Variants in CCDC181 observed in about 807,000 individuals in gnomAD.
The protein encoded by CCDC181 is coiled-coil domain-containing protein 181.
A neutral mutation model predicts 58.7 loss-of-function variants in CCDC181; 35 were observed. The observed-to-expected ratio is 0.60, with a 90% CI of 0.46 to 0.79. CCDC181 has a LOEUF of 0.79. Ranked by LOEUF, CCDC181 falls within the 30% of genes least tolerant of loss-of-function variation. CCDC181 has a pLI of 0.00. For missense variants in CCDC181, 517 were observed against 583.9 expected (o/e 0.89, Z 1.18); for synonymous variants, 183 against 197.5 (o/e 0.93, Z 0.62).
chr1:169,453,070 G>T (rs1384137240), intron 2 of CCDC181, among the ~76,000 whole-genome samples: 3 of 149,670 alleles, frequency 2.0e-5, no homozygotes, highest in Admixed American at 6.7e-5. Context: ...ACTTGAGAAA[G>T]AATTGAAACG....
chr1:169,401,571 G>C (rs1441075726), intron 4 of CCDC181, among the ~76,000 whole-genome samples: 1 of 152,188 alleles, frequency 6.6e-6, no homozygotes, highest in Non-Finnish European at 1.5e-5. Context: ...AACTCCAATA[G>C]ACCCACAGGT....
At chr1:169,403,632 A>G (rs1003976353) in intron 4 of CCDC181, among the ~76,000 whole-genome samples, 1 of 152,260 alleles carries the variant, frequency 6.6e-6, no homozygotes, top group African/African-American at 2.4e-5. Flanking sequence ...GACACAACAT[A>G]CAAGAATCTC....
At chr1:169,422,452 A>T (rs555545752) in intron 2 of CCDC181, 139 bp from the exon 3 acceptor site, 2 of 583,236 alleles carry the variant, frequency 3.4e-6, no homozygotes, top group Admixed American at 3.3e-5. Flanking sequence ...TTTGCTCATA[A>T]CATTCTAATT....
rs1324329119 is a variant in CCDC181, at chr1:169,422,269, C to T, written c.162G>A (p.Glu54=). The change falls in exon 3 of 6, where the codon GAG becomes GAA. Residue 54 remains glutamate, a synonymous_variant. Coordinates refer to ENST00000367806, the MANE Select transcript of CCDC181 (RefSeq NM_001300969.2). ...KEENINQDLK[E]NETVMEHTKR... ...TGGTGTGCTCCATTACTGTCTCATTCTCTTTTAAGTCTTGGTTAATATTCT... is the reference window on the plus strand; with the variant it reads ...TGGTGTGCTCCATTACTGTCTCATTTTCTTTTAAGTCTTGGTTAATATTCT... The T allele has an allele frequency of 5.0e-6, 8 of 1,597,430 alleles. No individual in the cohort carries two copies. Among genetic ancestry groups the T allele is most frequent in the Non-Finnish European group, 6.9e-6 (8 of 1,167,744 alleles).
At chr1:169,448,836 T>C (rs984365005) in intron 2 of CCDC181, among the ~76,000 whole-genome samples, 2 of 152,152 alleles carry the variant, frequency 1.3e-5, no homozygotes, top group African/African-American at 4.8e-5. Context: ...AGTTCTTGGG[T>C]GTTCTGTTCC....
chr1:169,401,064 C>CT (rs535572145), intron 4 of CCDC181, among the ~76,000 whole-genome samples: 76 of 152,312 alleles, frequency 5.0e-4, no homozygotes, highest in Non-Finnish European at 8.7e-4. Context: ...ACACAGCAGT[C>CT]TGAGATCAAA....
intron 5 of CCDC181, 97 bp from the exon 6 acceptor site, chr1:169,395,303 C>A (rs1654953487): frequency 9.2e-7 from 1 of 1,087,854 alleles, no homozygotes; most frequent in Non-Finnish European, 1.2e-6. Context: ...ATGGACATTT[C>A]TTTACAATGA....
chr1:169,432,158 AAAAG>A (rs1181574838), upstream of CCDC181, among the ~76,000 whole-genome samples: 2 of 152,150 alleles, frequency 1.3e-5, no homozygotes, highest in African/African-American at 4.8e-5. Context: ...TGAAAACTAA[AAAAG>A]AAATCAAAGA....
chr1:169,401,627 T>C (rs1160944020), intron 4 of CCDC181, among the ~76,000 whole-genome samples: 1 of 152,046 alleles, frequency 6.6e-6, no homozygotes, highest in Admixed American at 6.6e-5. Flanking sequence ...AGAAAGGACA[T>C]CCACACCAAA....
chr1:169,395,172 C>G lies in CCDC181; in HGVS notation c.1405G>C (p.Glu469Gln), dbSNP rs752679935. The change falls in exon 6 of 6, where the codon GAG becomes CAG. Residue 469 changes from glutamate (E) to glutamine (Q), a missense_variant. Physicochemically the swap from Glu to Gln is conservative, Grantham distance 29 (BLOSUM62 2). Transcript: ENST00000367806. ...GTTCTCTCTCTGACAGCTTGTTGCT[C>G]TGCCATTTTTTCCATCCGTTTCCTT... ...LRRKRMEKMA[E>Q]QQAVRERTRQ... The G allele has an allele frequency of 6.2e-7, 1 of 1,612,336 alleles. No homozygotes were observed. Among genetic ancestry groups the G allele is most frequent in the South Asian group, 1.1e-5 (1 of 90,680 alleles).
intron 2 of CCDC181, among the ~76,000 whole-genome samples, chr1:169,440,604 C>T (rs1387124938): frequency 6.6e-6 from 1 of 152,062 alleles, no homozygotes; most frequent in Non-Finnish European, 1.5e-5. Context: ...TTAGGTAATT[C>T]AGAATTGCTG....
chr1:169,412,565 A>C (rs1417771633), intron 4 of CCDC181, among the ~76,000 whole-genome samples: 2 of 152,214 alleles, frequency 1.3e-5, no homozygotes, highest in African/African-American at 4.8e-5. Flanking sequence ...CTGCATAGCC[A>C]AGATAATCTA....
intron 2 of CCDC181, among the ~76,000 whole-genome samples, chr1:169,446,918 G>T (rs1450021751): frequency 1.3e-5 from 2 of 152,114 alleles, no homozygotes; most frequent in African/African-American, 4.8e-5. Context: ...CACGAATTTT[G>T]ATAAGTTGCA....
chr1:169,433,449 A>G (rs1356287039), intron 2 of CCDC181, among the ~76,000 whole-genome samples: 1 of 152,002 alleles, frequency 6.6e-6, no homozygotes, highest in Non-Finnish European at 1.5e-5. Flanking sequence ...TAAAATTTGT[A>G]TGTAATTTCA....
At chr1:169,420,393 T>C (rs1364815882) in intron 3 of CCDC181, among the ~76,000 whole-genome samples, 1 of 127,242 alleles carries the variant, frequency 7.9e-6, no homozygotes, top group African/African-American at 2.9e-5. Flanking sequence ...GAAGTCATGT[T>C]TCACTTTTTT....
intron 2 of CCDC181, among the ~76,000 whole-genome samples, chr1:169,432,949 T>C (rs1266172249): frequency 6.6e-6 from 1 of 152,076 alleles, no homozygotes; most frequent in Admixed American, 6.5e-5. Flanking sequence ...GGATGCTGGC[T>C]TTCACTACTG....
At chr1:169,439,129 GAGAC>G (rs964812766) in intron 2 of CCDC181, among the ~76,000 whole-genome samples, 35 of 151,938 alleles carry the variant, frequency 2.3e-4, no homozygotes, top group Admixed American at 1.5e-3. Flanking sequence ...GAGCTGAACT[GAGAC>G]AGACACCCCA....
chr1:169,402,930 AG>A (rs1655433655), intron 4 of CCDC181, among the ~76,000 whole-genome samples: 1 of 152,032 alleles, frequency 6.6e-6, no homozygotes, highest in African/African-American at 2.4e-5. Flanking sequence ...AGACACACAT[AG>A]GCTCAAAATA....
intron 4 of CCDC181, among the ~76,000 whole-genome samples, chr1:169,400,537 T>C (rs1339911160): frequency 6.6e-6 from 1 of 151,874 alleles, no homozygotes; most frequent in African/African-American, 2.4e-5. Flanking sequence ...TAAGATGACA[T>C]AGATATTGGC....
Sources: gnomAD v4.1 joint callset for allele counts (sites outside exome capture counted in the v4.1 genomes callset) on GRCh38, gnomAD v4.1.1 for gene constraint, MANE v1.5 for transcripts, NCBI Gene and HGNC (gene_info 2026-07-23, HGNC 2026-07-21) for gene names.